Variants in PCDH15 observed in about 807,000 individuals in gnomAD.
PCDH15 encodes the protein protocadherin-15.
PCDH15 carries 129 observed loss-of-function variants against 178.5 expected under a neutral mutation model. The ratio of observed to expected loss-of-function variants is 0.72; its 90% CI spans 0.63 to 0.84. The LOEUF is 0.84. Ranked by LOEUF, PCDH15 falls within the 40% of genes least tolerant of loss-of-function variation. The pLI, the probability that PCDH15 is intolerant of heterozygous loss-of-function variation, is 0.00. For missense variants in PCDH15, 2,230 were observed against 2,099.9 expected, an observed-to-expected ratio of 1.06 and a Z score of -1.21; for synonymous variants, 800 against 732.0, an observed-to-expected ratio of 1.09 and a Z score of -1.50.
intron 3 of PCDH15, among the ~76,000 whole-genome samples, chr10:54,514,464 C>A (rs753980011): frequency 1.7e-4 from 26 of 151,316 alleles, no homozygotes; most frequent in Non-Finnish European, 3.4e-4. Context: ...TTTTAGTCAA[C>A]TGAAAATCTA....
At chr10:53,881,148 T>C (rs2080686773) in intron 26 of PCDH15, among the ~76,000 whole-genome samples, 1 of 152,218 alleles carries the variant, frequency 6.6e-6, no homozygotes, top group African/African-American at 2.4e-5. Flanking sequence ...CAGTAAAATT[T>C]CAGTGAAATA....
intron 2 of PCDH15, among the ~76,000 whole-genome samples, chr10:54,633,825 A>G (rs1217323414): frequency 6.6e-6 from 1 of 152,110 alleles, no homozygotes; most frequent in Non-Finnish European, 1.5e-5. Context: ...TGCAATAACC[A>G]TGGAGAACTG....
rs569018756 is a variant in PCDH15, at chr10:54,551,003, A to T, written c.92-23126T>A. Among the ~76,000 whole-genome samples, 137 of 151,922 alleles carry T rather than the reference A, an allele frequency of 9.0e-4. 1 individual carries two copies. Among genetic ancestry groups the T allele is most frequent in the African/African-American group, 3.2e-3 (133 of 41,448 alleles). Reference sequence around the variant, plus strand: ...AAACCCCACCTCTACTAAAAATACAAACATTAGCCAGGCATAGTGGCACAC... The same window carrying T: ...AAACCCCACCTCTACTAAAAATACATACATTAGCCAGGCATAGTGGCACAC... On this transcript the variant is annotated intron_variant, in intron 2 of 37. Transcript: ENST00000644397.
At chr10:53,923,523 T>C (rs1197556138) in intron 25 of PCDH15, among the ~76,000 whole-genome samples, 1 of 152,216 alleles carries the variant, frequency 6.6e-6, no homozygotes, top group Non-Finnish European at 1.5e-5. Context: ...CCTTATAAAA[T>C]GTAAACATTA....
At chr10:55,194,645 G>A (rs1185969414) in intron 1 of PCDH15, among the ~76,000 whole-genome samples, 1 of 151,828 alleles carries the variant, frequency 6.6e-6, no homozygotes, top group East Asian at 1.9e-4. Context: ...GGAGGAATAA[G>A]ACATATACCC....
chr10:55,621,278 G>C (rs1451397194), intron 2 of PCDH15, among the ~76,000 whole-genome samples: 1 of 152,138 alleles, frequency 6.6e-6, no homozygotes, highest in Non-Finnish European at 1.5e-5. Flanking sequence ...TTTCTTTATA[G>C]AAGCATTTTG....
chr10:54,352,215 A>C (rs1944291548), intron 5 of PCDH15, among the ~76,000 whole-genome samples: 2 of 152,220 alleles, frequency 1.3e-5, no homozygotes, highest in South Asian at 4.1e-4. Flanking sequence ...TGTATTCCAC[A>C]CCAATGCCTT....
At chr10:54,773,876 A>T (rs1949375728) in intron 1 of PCDH15, among the ~76,000 whole-genome samples, 1 of 152,120 alleles carries the variant, frequency 6.6e-6, no homozygotes, top group Non-Finnish European at 1.5e-5. Flanking sequence ...ATAAAAATGA[A>T]CTGATTTCTT....
intron 9 of PCDH15, among the ~76,000 whole-genome samples, chr10:54,229,616 G>A (rs188043681): frequency 1.8e-3 from 277 of 152,262 alleles, no homozygotes; most frequent in Non-Finnish European, 3.5e-3. Flanking sequence ...AGTCTCACAA[G>A]ATCTGATGGT....
chr10:55,052,296 T>G (rs1841182319), intron 2 of PCDH15, among the ~76,000 whole-genome samples: 1 of 145,678 alleles, frequency 6.9e-6, no homozygotes, highest in Non-Finnish European at 1.5e-5. Flanking sequence ...TTCACCGTGT[T>G]AGCCAGGATG....
At chr10:55,197,758 T>C (rs1840134023) in intron 1 of PCDH15, among the ~76,000 whole-genome samples, 1 of 152,128 alleles carries the variant, frequency 6.6e-6, no homozygotes, top group Admixed American at 6.5e-5. Context: ...AAATGATATA[T>C]TTTGCTTTTA....
chr10:55,458,775 T>A lies in PCDH15; in HGVS notation c.-156+168850A>T, dbSNP rs146426538. On this transcript the variant is annotated intron_variant, in intron 2 of 5. Coordinates refer to the PCDH15 transcript ENST00000613346. ...TTCCTTTGCAGATAAAATTCTTCATTCATTAATCAAAGTTTATCAAATGCT... is the reference window on the plus strand; with the variant it reads ...TTCCTTTGCAGATAAAATTCTTCATACATTAATCAAAGTTTATCAAATGCT... Among the ~76,000 whole-genome samples, 732 of 152,094 alleles carry A rather than the reference T, an allele frequency of 4.8e-3. 10 individuals are homozygous for A. The highest frequency in any genetic ancestry group is 0.017 in the African/African-American group (697 of 41,534).
chr10:53,861,764 T>C (rs1359317811), intron 27 of PCDH15, among the ~76,000 whole-genome samples: 2 of 152,180 alleles, frequency 1.3e-5, no homozygotes, highest in Non-Finnish European at 2.9e-5. Flanking sequence ...TACATCTCCG[T>C]GTGACCTAGC....
At chr10:54,964,693 T>C (rs1485335445) in intron 2 of PCDH15, among the ~76,000 whole-genome samples, 3 of 152,214 alleles carry the variant, frequency 2.0e-5, no homozygotes, top group Admixed American at 1.3e-4. Context: ...ATATCACTGA[T>C]AGCGTTTGCA....
At chr10:54,880,881 G>C (rs967236926) in intron 3 of PCDH15, among the ~76,000 whole-genome samples, 2 of 151,230 alleles carry the variant, frequency 1.3e-5, no homozygotes, top group Non-Finnish European at 2.9e-5. Flanking sequence ...TGTAACATTT[G>C]ATTGACTTCC....
At chr10:54,177,954 CA>C (rs753331145) in intron 13 of PCDH15, among the ~76,000 whole-genome samples, 4 of 152,034 alleles carry the variant, frequency 2.6e-5, no homozygotes, top group Non-Finnish European at 5.9e-5. Context: ...GAGGTCATTA[CA>C]GGGCATTTAA....
At chr10:55,320,094 G>A (rs1033263675), upstream of PCDH15, among the ~76,000 whole-genome samples, 2 of 152,126 alleles carry the variant, frequency 1.3e-5, no homozygotes, top group African/African-American at 4.8e-5. Flanking sequence ...AGCCTCCTCT[G>A]TGCTGCTTTG....
chr10:54,617,791 T>C lies in PCDH15; in HGVS notation c.91+46381A>G, dbSNP rs1590570644. On this transcript the variant is annotated intron_variant, in intron 2 of 37. Transcript: ENST00000644397. ...AAAAAAAAAAATTAGTCAGGCATAG[T>C]GGCGGGCACCTATAATCTCAGCTAC... 4.0e-5 allele frequency among the ~76,000 whole-genome samples: 6 copies of C among 148,796 alleles called. No individual in the cohort carries two copies. In the East Asian group the frequency reaches 9.9e-4, roughly 24 times the overall value.
chr10:54,192,227 GGAGAGGGA>G (rs899208428), intron 11 of PCDH15, among the ~76,000 whole-genome samples: 34 of 150,936 alleles, frequency 2.3e-4, no homozygotes, highest in East Asian at 7.8e-4. Flanking sequence ...GAGAAAGAAA[GGAGAGGGA>G]GAGAGGGAGA....
Sources: allele counts gnomAD v4.1 joint callset (sites outside exome capture counted in the v4.1 genomes callset), GRCh38; gene constraint gnomAD v4.1.1; transcripts MANE v1.5; gene names NCBI Gene and HGNC (gene_info 2026-07-23, HGNC 2026-07-21).